PCNX1: variants seen among roughly 807,000 people sequenced by gnomAD.
PCNX1 encodes pecanex 1.
In PCNX1, 78 loss-of-function variants were observed where a neutral mutation model predicts 242.2. The observed-to-expected ratio is 0.32, with a 90% CI of 0.27 to 0.39. PCNX1 has a LOEUF of 0.39. Ranked by LOEUF, PCNX1 falls within the 10% of genes least tolerant of loss-of-function variation. PCNX1 has a pLI of 1.00. For synonymous variants in PCNX1, 1,024 were observed against 1,032.9 expected (o/e 0.99, Z 0.17); for missense variants, 2,581 against 2,856.5 (o/e 0.90, Z 2.20).
chr14:70,910,043 T>C (rs1334625374), intron 1 of PCNX1, among the ~76,000 whole-genome samples: 22 of 34,882 alleles, frequency 6.3e-4, no homozygotes, highest in East Asian at 1.6e-3. Context: ...CTCCTCCTCC[T>C]CCTCCTCCTC....
At position 71,076,347 on chromosome 14, in the gene PCNX1, A is replaced by C; in HGVS notation, c.5265A>C (p.Ala1755=). The change falls in exon 28 of 36, where the codon GCA becomes GCC. Residue 1755 remains alanine, a synonymous_variant. Transcript: ENST00000304743. ...ATGAAGACTATGACCACCGACTGGC[A>C]GGCATATCTAGGGAGAGTTTCTGTG... ...NIDEDYDHRL[A]GISRESFCVI... 2 of 1,613,932 alleles carry C rather than the reference A, an allele frequency of 1.2e-6. No individual in the cohort carries two copies. The highest frequency in any genetic ancestry group is 3.3e-5 in the Admixed American group (2 of 60,008).
At chr14:70,937,176 G>A (rs2057040983) in intron 1 of PCNX1, among the ~76,000 whole-genome samples, 1 of 152,144 alleles carries the variant, frequency 6.6e-6, no homozygotes, top group Non-Finnish European at 1.5e-5. Context: ...TGTTGCCATT[G>A]CTTTTGGTGT....
chr14:71,036,957 A>C (rs2060555199), intron 19 of PCNX1, among the ~76,000 whole-genome samples: 1 of 151,628 alleles, frequency 6.6e-6, no homozygotes, highest in South Asian at 2.1e-4. Context: ...ATCCTCTTTT[A>C]TTTCCTTGAG....
chr14:71,009,623 T>A lies in PCNX1; in HGVS notation c.2630-11T>A. 1.4e-6 allele frequency: 2 copies of A among 1,473,696 alleles called. No individual in the cohort carries two copies. Among genetic ancestry groups the A allele is most frequent in the Non-Finnish European group, 1.9e-6 (2 of 1,075,260 alleles). 91.3% of individuals were successfully genotyped at this position (1,473,696 alleles called of 1,614,324 possible). A position where few individuals can be genotyped will look rare whatever the true frequency, so the allele number is the denominator to read the frequency against. On this transcript the variant is annotated splice_polypyrimidine_tract_variant and intron_variant, in intron 8 of 35. Transcript: ENST00000304743. ...TCTAATGGCTTTTTAAAATAATCAT[T>A]TATTTGCTAGGTAAGTTCTCTTCTA... is the stretch of plus-strand genomic sequence containing the variant.
intron 6 of PCNX1, among the ~76,000 whole-genome samples, chr14:70,979,368 T>C (rs1279291546): frequency 6.6e-5 from 10 of 152,110 alleles, no homozygotes; most frequent in Non-Finnish European, 1.3e-4. Flanking sequence ...TTTTGGAGAA[T>C]TGTGCAAATT....
At chr14:70,949,831 A>G (rs1308288353) in intron 2 of PCNX1, among the ~76,000 whole-genome samples, 1 of 152,226 alleles carries the variant, frequency 6.6e-6, no homozygotes, top group Non-Finnish European at 1.5e-5. Flanking sequence ...AGGTACCCCT[A>G]ATATAACTCT....
intron 26 of PCNX1, among the ~76,000 whole-genome samples, chr14:71,067,609 G>C (rs1456161876): frequency 6.6e-6 from 1 of 151,982 alleles, no homozygotes; most frequent in Non-Finnish European, 1.5e-5. Context: ...GTCTCCTTCA[G>C]TTCTGCTCTG....
chr14:70,996,173 A>T (rs527618050), intron 8 of PCNX1, among the ~76,000 whole-genome samples: 9 of 152,196 alleles, frequency 5.9e-5, no homozygotes, highest in Non-Finnish European at 1.3e-4. Flanking sequence ...AAGTGTTAAT[A>T]TATGTTCACA....
chr14:70,952,007 CTCAG>C (rs1455388552), intron 2 of PCNX1, among the ~76,000 whole-genome samples: 9 of 152,300 alleles, frequency 5.9e-5, no homozygotes, highest in Admixed American at 3.9e-4. Context: ...AGACTTCACA[CTCAG>C]TCAGTCAAGG....
intron 1 of PCNX1, among the ~76,000 whole-genome samples, chr14:70,929,971 G>T (rs1242053592): frequency 6.6e-6 from 1 of 152,066 alleles, no homozygotes; most frequent in African/African-American, 2.4e-5. Context: ...AAAAGTATAG[G>T]AAAAATTCTA....
At position 70,930,880 on chromosome 14, in the gene PCNX1, A is replaced by T. The variant is rs552924366; in HGVS notation, c.154-16035A>T. Among the ~76,000 whole-genome samples, 5 of 152,220 alleles carry T rather than the reference A, an allele frequency of 3.3e-5. No homozygotes were observed. In the East Asian group the frequency reaches 9.7e-4, roughly 29 times the overall value. On this transcript the variant is annotated intron_variant, in intron 1 of 35. Coordinates refer to ENST00000304743, the MANE Select transcript of PCNX1 (RefSeq NM_014982.3). The stretch of plus-strand genomic sequence containing the variant: ...CCTCTGAAAGGAGACTTCTAACTGG[A>T]ATGCTTTACCTCAATCCCCAAAGGA...
intron 1 of PCNX1, among the ~76,000 whole-genome samples, chr14:70,934,086 T>G (rs961407985): frequency 6.6e-6 from 1 of 152,234 alleles, no homozygotes; most frequent in Admixed American, 6.5e-5. Context: ...GCTAGCCAAA[T>G]TATTCACTTG....
intron 26 of PCNX1, among the ~76,000 whole-genome samples, chr14:71,065,230 C>T (rs2061418422): frequency 6.6e-6 from 1 of 152,146 alleles, no homozygotes; most frequent in African/African-American, 2.4e-5. Context: ...TTTACACTCC[C>T]ACCAACAGTG....
At chr14:70,919,180 G>A (rs1306020785) in intron 1 of PCNX1, among the ~76,000 whole-genome samples, 3 of 152,004 alleles carry the variant, frequency 2.0e-5, no homozygotes, top group Admixed American at 1.3e-4. Flanking sequence ...CACTGCACCC[G>A]ACTCAATGGA....
At chr14:70,958,025 G>A (rs2058058392) in intron 2 of PCNX1, among the ~76,000 whole-genome samples, 1 of 152,046 alleles carries the variant, frequency 6.6e-6, no homozygotes, top group Non-Finnish European at 1.5e-5. Context: ...TTAATGTGGT[G>A]ATAGTGCCTC....
chr14:70,995,803 C>A lies in PCNX1; in HGVS notation c.2507C>A (p.Pro836His). 3.7e-6 allele frequency: 6 copies of A among 1,614,106 alleles called. No individual in the cohort carries two copies. Among genetic ancestry groups the A allele is most frequent in the Non-Finnish European group, 5.1e-6 (6 of 1,179,980 alleles). The change falls in exon 8 of 36, where the codon CCT (proline) becomes CAT (histidine). Residue 836 changes from proline (P) to histidine (H), a missense_variant. Pro to His is a moderately conservative substitution (Grantham distance 77). Coordinates refer to ENST00000304743, the MANE Select transcript of PCNX1 (RefSeq NM_014982.3). The part of the protein sequence containing the change: ...TAQVKVQSRP[P>H]SQAAVLSASA... ...CAGGTCAAAGTCCAGTCCCGCCCCCCTTCCCAGGCTGCAGTGCTCAGTGCT... is the reference window on the plus strand; with the variant it reads ...CAGGTCAAAGTCCAGTCCCGCCCCCATTCCCAGGCTGCAGTGCTCAGTGCT...
At chr14:71,022,823 T>C (rs2060140427) in intron 12 of PCNX1, among the ~76,000 whole-genome samples, 1 of 152,156 alleles carries the variant, frequency 6.6e-6, no homozygotes, top group African/African-American at 2.4e-5. Context: ...GTATATTTCC[T>C]GAATGAATGA....
chr14:71,012,617 G>A (rs1028714526), intron 10 of PCNX1: 5 of 271,014 alleles, frequency 1.8e-5, no homozygotes, highest in Admixed American at 5.1e-5. Context: ...GGATCACGAG[G>A]TCAAGAGTTC....
At chr14:71,030,666 T>C (rs1402360847) in intron 16 of PCNX1, among the ~76,000 whole-genome samples, 1 of 152,184 alleles carries the variant, frequency 6.6e-6, no homozygotes, top group African/African-American at 2.4e-5. Context: ...TGACAGCCAG[T>C]TCTTGTTTGT....
Sources: gnomAD v4.1 joint callset for allele counts (sites outside exome capture counted in the v4.1 genomes callset) on GRCh38, gnomAD v4.1.1 for gene constraint, MANE v1.5 for transcripts, NCBI Gene and HGNC (gene_info 2026-07-23, HGNC 2026-07-21) for gene names.